Variants in ZNF385D observed in about 807,000 individuals in gnomAD.
ZNF385D encodes zinc finger protein 385D, also known as zinc finger protein 659.
ZNF385D carries 15 observed loss-of-function variants against 35.8 expected under a neutral mutation model. The observed-to-expected ratio is 0.42, with a 90% CI of 0.28 to 0.64. ZNF385D has a LOEUF of 0.64. Among genes scored for constraint, ZNF385D ranks in the 30% least tolerant of loss-of-function variants. The pLI is 0.23. For synonymous variants in ZNF385D, 212 were observed against 186.8 expected, an observed-to-expected ratio of 1.13 and a Z score of -1.10; for missense variants, 474 against 494.6, an observed-to-expected ratio of 0.96 and a Z score of 0.39.
At chr3:21,883,006 A>G (rs551477824) in intron 3 of ZNF385D, among the ~76,000 whole-genome samples, 65 of 152,010 alleles carry the variant, frequency 4.3e-4, no homozygotes, top group Non-Finnish European at 8.7e-4. Flanking sequence ...AACCCTCATT[A>G]AAATATCATT....
intron 2 of ZNF385D, among the ~76,000 whole-genome samples, chr3:22,232,219 T>G (rs889752333): frequency 6.6e-6 from 1 of 152,142 alleles, no homozygotes; most frequent in African/African-American, 2.4e-5. Flanking sequence ...ATTATCCCCC[T>G]ACCTTTCAAA....
intron 3 of ZNF385D, among the ~76,000 whole-genome samples, chr3:22,067,869 A>C (rs1051148486): frequency 3.9e-5 from 6 of 152,156 alleles, no homozygotes; most frequent in Non-Finnish European, 5.9e-5. Flanking sequence ...TAAAAATACA[A>C]AAATTAGCTG....
At chr3:21,483,123 A>C (rs1273866525) in intron 4 of ZNF385D, among the ~76,000 whole-genome samples, 1 of 152,144 alleles carries the variant, frequency 6.6e-6, no homozygotes, top group Non-Finnish European at 1.5e-5. Flanking sequence ...TGCTCCAAAA[A>C]ATAGTTATTT....
At chr3:22,001,548 C>A (rs931296927) in intron 3 of ZNF385D, among the ~76,000 whole-genome samples, 1 of 151,938 alleles carries the variant, frequency 6.6e-6, no homozygotes, top group Non-Finnish European at 1.5e-5. Context: ...TTGGGTACTT[C>A]AATACTCCAC....
At chr3:21,678,079 G>C (rs1380612934) in intron 1 of ZNF385D, among the ~76,000 whole-genome samples, 1 of 151,914 alleles carries the variant, frequency 6.6e-6, no homozygotes, top group East Asian at 1.9e-4. Context: ...GTTAATCACA[G>C]TTTGCTATCC....
Position 22,102,489 on chromosome 3 carries a change from T to C in ZNF385D, c.325+66328A>G, listed in dbSNP as rs1701991092. Reference sequence around the variant, plus strand: ...CTTCCCGCAGTACTGAGTTTCATTGTACAATATTTTAACTCAAGATTTAAT... The same window carrying C: ...CTTCCCGCAGTACTGAGTTTCATTGCACAATATTTTAACTCAAGATTTAAT... On this transcript the variant is annotated intron_variant, in intron 3 of 5. Coordinates refer to the ZNF385D transcript ENST00000494108. Among the ~76,000 whole-genome samples the C allele has an allele frequency of 4.6e-5, 7 of 152,016 alleles. No homozygotes were observed. In the Admixed American group the frequency reaches 4.6e-4, roughly 10 times the overall value.
At chr3:21,802,979 T>G (rs76340916) in intron 3 of ZNF385D, among the ~76,000 whole-genome samples, 4 of 152,190 alleles carry the variant, frequency 2.6e-5, no homozygotes, top group Non-Finnish European at 4.4e-5. Context: ...GAGTGGAAAT[T>G]TGGATAAATT....
In ZNF385D at chr3:22,186,640, A is replaced by T. The variant is rs534705976; in HGVS notation, c.107-17605T>A. Among the ~76,000 whole-genome samples, 235 of 152,264 alleles carry T rather than the reference A, an allele frequency of 1.5e-3. 1 individual carries two copies. The highest frequency in any genetic ancestry group is 5.3e-3 in the African/African-American group (219 of 41,568). ...ATACAAGGGGCAAATGAGCTGGGTC[A>T]TAAGAATTTGATATATTTTTGGTCT... is the stretch of plus-strand genomic sequence containing the variant. On this transcript the variant is annotated intron_variant, in intron 2 of 5. Transcript: ENST00000494108.
chr3:21,546,091 A>C (rs1001571736), intron 3 of ZNF385D, among the ~76,000 whole-genome samples: 2 of 152,062 alleles, frequency 1.3e-5, no homozygotes, highest in African/African-American at 4.8e-5. Context: ...AAAATTGAGG[A>C]CTGGAAGGAG....
chr3:21,606,270 G>A (rs1250550063), intron 2 of ZNF385D, among the ~76,000 whole-genome samples: 1 of 152,150 alleles, frequency 6.6e-6, no homozygotes, highest in Non-Finnish European at 1.5e-5. Context: ...TCAGGACAAT[G>A]GGTGGTAATG....
chr3:22,212,123 A>G (rs1697562351), intron 2 of ZNF385D, among the ~76,000 whole-genome samples: 1 of 151,944 alleles, frequency 6.6e-6, no homozygotes, highest in East Asian at 1.9e-4. Context: ...TTCTCCTTCA[A>G]ATGTCAAAAA....
intron 3 of ZNF385D, among the ~76,000 whole-genome samples, chr3:21,937,099 T>C (rs1438049921): frequency 6.6e-6 from 1 of 152,228 alleles, no homozygotes; most frequent in African/African-American, 2.4e-5. Flanking sequence ...GCTGGAGTGC[T>C]GCAAGAAAGA....
At chr3:22,062,886 A>G (rs1233117810) in intron 3 of ZNF385D, among the ~76,000 whole-genome samples, 2 of 152,216 alleles carry the variant, frequency 1.3e-5, no homozygotes, top group Non-Finnish European at 2.9e-5. Context: ...AGTCTTCATG[A>G]AAATGTATCC....
At chr3:22,256,515 T>C (rs1194669419) in intron 2 of ZNF385D, among the ~76,000 whole-genome samples, 1 of 151,858 alleles carries the variant, frequency 6.6e-6, no homozygotes, top group Non-Finnish European at 1.5e-5. Context: ...GTATTAACTC[T>C]TGTATTTTCT....
At chr3:21,767,276 A>G (rs2070870760) in intron 3 of ZNF385D, among the ~76,000 whole-genome samples, 1 of 151,986 alleles carries the variant, frequency 6.6e-6, no homozygotes, top group Non-Finnish European at 1.5e-5. Flanking sequence ...TACAAAATAC[A>G]TTTGTCTTTT....
chr3:21,818,782 T>C (rs1390507122), intron 3 of ZNF385D, among the ~76,000 whole-genome samples: 2 of 152,014 alleles, frequency 1.3e-5, no homozygotes, highest in Non-Finnish European at 2.9e-5. Context: ...TATATTTTTG[T>C]ATTTTTTAAT....
chr3:22,306,901 G>C lies in ZNF385D; in HGVS notation c.106+65549C>G, dbSNP rs560574120. ...ACTCAAGACAGCTGCGCTTTGAAGA[G>C]CGAAAAACATAAAACACAGTCCCAG... On this transcript the variant is annotated intron_variant, in intron 2 of 5. Transcript: ENST00000494108. Among the ~76,000 whole-genome samples, 15 of 152,258 alleles carry C rather than the reference G, an allele frequency of 9.9e-5. No individual in the cohort carries two copies. In the South Asian group the frequency reaches 3.1e-3, roughly 32 times the overall value.
chr3:21,709,634 A>G (rs982055707), intron 1 of ZNF385D, among the ~76,000 whole-genome samples: 1 of 152,204 alleles, frequency 6.6e-6, no homozygotes, highest in Non-Finnish European at 1.5e-5. Context: ...ATAAACTATA[A>G]GAGAAAAACA....
intron 3 of ZNF385D, among the ~76,000 whole-genome samples, chr3:21,913,360 T>G (rs556223361): frequency 6.6e-6 from 1 of 152,106 alleles, no homozygotes; most frequent in Admixed American, 6.6e-5. Flanking sequence ...AAATAACTCA[T>G]TAACAGAAAA....
Sources: gnomAD v4.1 joint callset for allele counts (sites outside exome capture counted in the v4.1 genomes callset) on GRCh38, gnomAD v4.1.1 for gene constraint, MANE v1.5 for transcripts, NCBI Gene and HGNC (gene_info 2026-07-23, HGNC 2026-07-21) for gene names.